MRTFB: variants seen among roughly 807,000 people sequenced by gnomAD.
MRTFB encodes myocardin related transcription factor B.
A neutral mutation model predicts 104.2 loss-of-function variants in MRTFB; 29 were observed. That is an observed-to-expected ratio of 0.28 (90% CI 0.21 to 0.38). The LOEUF (loss-of-function observed/expected upper bound fraction) is 0.38. Among genes scored for constraint, MRTFB ranks in the 10% least tolerant of loss-of-function variants. The probability of loss-of-function intolerance (pLI) is 1.00; values close to 1 mark genes in which losing one functional copy is unlikely to be tolerated. For missense variants in MRTFB, 1,270 were observed against 1,341.6 expected (o/e 0.95, Z 0.83); for synonymous variants, 535 against 519.5 (o/e 1.03, Z -0.41).
At chr16:14,060,567 T>C in the MRTFB span, among the ~76,000 whole-genome samples, 3 of 152,104 alleles carry the variant, frequency 2.0e-5, no homozygotes, top group Non-Finnish European at 4.4e-5. Context: ...CCACATCCTA[T>C]TGTTCATCAC....
At position 14,240,773 on chromosome 16, in the gene MRTFB, C is replaced by T. The variant is rs199910608; in HGVS notation, c.1079+289C>T. 4.0e-4 allele frequency: 302 copies of T among 764,478 alleles called. 1 individual carries two copies. Among genetic ancestry groups the T allele is most frequent in the Non-Finnish European group, 5.3e-4 (222 of 418,462 alleles). The allele number at this position is 764,478 out of a possible 1,614,324, so 47.4% of individuals were successfully genotyped here. ...CTATTATTAGAACACCAAAATAGTACTAGATGCTCTGAGAAAAGCGTAAGT... is the reference window on the plus strand; with the variant it reads ...CTATTATTAGAACACCAAAATAGTATTAGATGCTCTGAGAAAAGCGTAAGT... On this transcript the variant is annotated intron_variant, in intron 10 of 16. Coordinates refer to ENST00000571589, the MANE Select transcript of MRTFB (RefSeq NM_001308142.2).
At chr16:14,029,553 A>G in the MRTFB span, among the ~76,000 whole-genome samples, 1 of 150,508 alleles carries the variant, frequency 6.6e-6, no homozygotes, top group Non-Finnish European at 1.5e-5. Flanking sequence ...AGTTAATTTT[A>G]TATGTTTGTG....
intron 3 of MRTFB, among the ~76,000 whole-genome samples, chr16:14,167,843 G>A (rs182207442): frequency 1.4e-3 from 220 of 152,110 alleles, no homozygotes; most frequent in African/African-American, 4.8e-3. Flanking sequence ...AGCGCCCGCC[G>A]CGCCCGGCTA....
At chr16:14,204,180 T>C (rs1409984769) in intron 3 of MRTFB, among the ~76,000 whole-genome samples, 1 of 152,138 alleles carries the variant, frequency 6.6e-6, no homozygotes, top group Non-Finnish European at 1.5e-5. Flanking sequence ...CTCACTATGT[T>C]GCCCAGGCTG....
intron 3 of MRTFB, among the ~76,000 whole-genome samples, chr16:14,174,254 G>A (rs2039511692): frequency 6.6e-6 from 1 of 152,090 alleles, no homozygotes; most frequent in Non-Finnish European, 1.5e-5. Flanking sequence ...GCAGATTAAA[G>A]CCTCCTATTA....
rs1183713683 is a variant in MRTFB, at chr16:14,245,668, T to C, written c.1212+8T>C. On this transcript the variant is annotated splice_region_variant and intron_variant, in intron 11 of 16. Transcript: ENST00000571589. ...AGCCTGGATGACTTAAAGGTGACAA[T>C]TGCAACTGGAGCTTATTCACCCCTA... The C allele has an allele frequency of 6.2e-7, 1 of 1,604,924 alleles. No homozygotes were observed. The highest frequency in any genetic ancestry group is 8.5e-7 in the Non-Finnish European group (1 of 1,177,852).
At chr16:14,134,841 T>C (rs2037628404) in intron 2 of MRTFB, among the ~76,000 whole-genome samples, 1 of 152,218 alleles carries the variant, frequency 6.6e-6, no homozygotes, top group African/African-American at 2.4e-5. Context: ...GCTTTGATGT[T>C]AGTCTCTTAA....
At position 14,177,436 on chromosome 16, in the gene MRTFB, T is replaced by G. The variant is rs549614376; in HGVS notation, c.155-32807T>G. ...ACCCATTACTCCCTGTTGAGTGTTT[T>G]GGGTTTTGTTTGTTTGTTTTTTAAT... On this transcript the variant is annotated intron_variant, in intron 3 of 16. Transcript: ENST00000571589. This position sits in a 1 kb window ranked among gnomAD's most constrained non-coding sequence, Gnocchi z 4.7. Among the ~76,000 whole-genome samples, 9 of 152,338 alleles carry G rather than the reference T, an allele frequency of 5.9e-5. No individual in the cohort carries two copies. The highest frequency in any genetic ancestry group is 1.7e-4 in the African/African-American group (7 of 41,578).
intron 3 of MRTFB, among the ~76,000 whole-genome samples, chr16:14,194,810 T>C (rs897073068): frequency 1.3e-5 from 2 of 152,050 alleles, no homozygotes; most frequent in Non-Finnish European, 2.9e-5. Context: ...CTTAATTCCT[T>C]TGTAAAACTC....
chr16:14,118,691 G>T (rs1032638621), intron 2 of MRTFB, among the ~76,000 whole-genome samples: 1 of 151,004 alleles, frequency 6.6e-6, no homozygotes, highest in Middle Eastern at 3.4e-3. Context: ...ACACACTATT[G>T]ATATATACAT....
chr16:14,096,358 C>T (rs2035373296), intron 2 of MRTFB, among the ~76,000 whole-genome samples: 3 of 152,144 alleles, frequency 2.0e-5, no homozygotes, highest in African/African-American at 4.8e-5. Context: ...AGGTGTGACT[C>T]ACTGTGCCTG....
intron 8 of MRTFB, among the ~76,000 whole-genome samples, chr16:14,226,026 C>T (rs1464041849): frequency 3.3e-5 from 5 of 152,006 alleles, no homozygotes; most frequent in East Asian, 3.8e-4. Context: ...CTTGGCCATG[C>T]GACAGGCTAT....
At chr16:14,018,470 A>G in the MRTFB span, among the ~76,000 whole-genome samples, 1 of 152,220 alleles carries the variant, frequency 6.6e-6, no homozygotes, top group Non-Finnish European at 1.5e-5. Context: ...TCTAGATCCA[A>G]CATGGTTCTG....
At chr16:14,105,320 G>T (rs967787769) in intron 2 of MRTFB, among the ~76,000 whole-genome samples, 2 of 151,980 alleles carry the variant, frequency 1.3e-5, no homozygotes, top group African/African-American at 4.8e-5. Flanking sequence ...AAGGTCATCA[G>T]AAAGGAATGA....
At chr16:14,184,381 C>T (rs536072258) in intron 3 of MRTFB, among the ~76,000 whole-genome samples, 10 of 152,086 alleles carry the variant, frequency 6.6e-5, no homozygotes, top group Non-Finnish European at 1.3e-4. Flanking sequence ...TGCTACCATG[C>T]CCAGCTAATT....
intron 16 of MRTFB, among the ~76,000 whole-genome samples, chr16:14,259,673 C>A (rs1389539290): frequency 1.3e-5 from 2 of 152,144 alleles, no homozygotes; most frequent in East Asian, 3.8e-4. Flanking sequence ...ATCACCAGAA[C>A]CCAGGAAGTG....
At chr16:14,086,674 A>G (rs1353805212) in intron 2 of MRTFB, among the ~76,000 whole-genome samples, 2 of 152,176 alleles carry the variant, frequency 1.3e-5, no homozygotes, top group Non-Finnish European at 2.9e-5. Context: ...GAATTTGCTT[A>G]TACGGTAGTT....
At chr16:14,029,441 T>TACACAC in the MRTFB span, among the ~76,000 whole-genome samples, 15 of 56,336 alleles carry the variant, frequency 2.7e-4, no homozygotes, top group South Asian at 1.3e-3. Context: ...TATATATATA[T>TACACAC]ATATACACAC....
chr16:14,045,693 A>G, the MRTFB span, among the ~76,000 whole-genome samples: 2 of 152,208 alleles, frequency 1.3e-5, no homozygotes, highest in African/African-American at 4.8e-5. Flanking sequence ...TCCAAACCTC[A>G]GTCTGCTCCA....
Sources: allele counts gnomAD v4.1 joint callset (sites outside exome capture counted in the v4.1 genomes callset), GRCh38; gene constraint gnomAD v4.1.1; non-coding constraint Gnocchi (gnomAD v3.1); transcripts MANE v1.5; gene names NCBI Gene and HGNC (gene_info 2026-07-23, HGNC 2026-07-21).